The following FGF3 variants were observed in gnomAD, a reference collection of about 807,000 sequenced individuals.
The protein encoded by FGF3 is FGF-3.
In FGF3, 7 loss-of-function variants were observed where a neutral mutation model predicts 9.8. The ratio of observed to expected loss-of-function variants is 0.72; its 90% CI spans 0.41 to 1.35. The LOEUF is 1.35. Among genes scored for constraint, FGF3 ranks in the 40% most tolerant of loss-of-function variants. The pLI, the probability that FGF3 is intolerant of heterozygous loss-of-function variation, is 0.01. For missense variants in FGF3, 390 were observed against 345.6 expected, an observed-to-expected ratio of 1.13 and a Z score of -1.02; for synonymous variants, 173 against 157.2, an observed-to-expected ratio of 1.10 and a Z score of -0.75.
At chr11:69,816,451 C>T in intron 1 of FGF3, 28 bp from the exon 2 acceptor site, 3 of 1,578,114 alleles carry the variant, frequency 1.9e-6, no homozygotes, top group South Asian at 2.2e-5. Flanking sequence ...TGCCTCACTC[C>T]CGCCGCCCCC....
rs1042424001 is a variant in FGF3, at chr11:69,819,123, G to C, written c.-190C>G. The C allele has an allele frequency of 4.4e-5, 19 of 435,350 alleles. No homozygotes were observed. The South Asian group carries it at 8.5e-4, about 20-fold the overall frequency. 27.0% of individuals were successfully genotyped at this position (435,350 alleles called of 1,614,324 possible). ...GGCGAGAGAGAGAAAGAGAGGGAGAGTGGGAGAGGGAGAGGGAGAGAGGGA... is the reference window on the plus strand; with the variant it reads ...GGCGAGAGAGAGAAAGAGAGGGAGACTGGGAGAGGGAGAGGGAGAGAGGGA... On this transcript the variant is annotated 5_prime_UTR_variant, in exon 1 of 3. Coordinates refer to ENST00000334134, the MANE Select transcript of FGF3 (RefSeq NM_005247.4).
chr11:69,812,304 G>A (rs1856042271), intron 2 of FGF3, among the ~76,000 whole-genome samples: 4 of 152,074 alleles, frequency 2.6e-5, no homozygotes, highest in African/African-American at 7.2e-5. Flanking sequence ...ATCTGACCTC[G>A]CAGGACCTCA....
Position 69,816,333 on chromosome 11 carries a change from C to A in FGF3, c.311G>T (p.Arg104Leu), listed in dbSNP as rs150581924. The change falls in exon 2 of 3, where the codon CGA becomes CTA. Residue 104 changes from arginine (R) to leucine (L), a missense_variant. Coordinates refer to ENST00000334134, the MANE Select transcript of FGF3 (RefSeq NM_005247.4). Reference protein sequence around the residue: ...GRYLAMNKRGRLYASEHYSAE... With the variant: ...GRYLAMNKRGLLYASEHYSAE... ...GCCTGGACTCACCGAAGCATAGAGT[C>A]GTCCCCTCTTGTTCATGGCCAGGTA... 4 of 1,613,640 alleles carry A rather than the reference C, an allele frequency of 2.5e-6. No individual in the cohort carries two copies. In the African/African-American group the frequency reaches 4.0e-5, roughly 16 times the overall value.
chr11:69,816,690 C>T (rs944153576), intron 1 of FGF3, among the ~76,000 whole-genome samples: 3 of 152,242 alleles, frequency 2.0e-5, no homozygotes, highest in Non-Finnish European at 4.4e-5. Context: ...GCTGCCTGCA[C>T]CCTGGCTTTC....
chr11:69,813,564 A>G (rs967139725), intron 2 of FGF3, among the ~76,000 whole-genome samples: 1 of 144,488 alleles, frequency 6.9e-6, no homozygotes, highest in Non-Finnish European at 1.5e-5. Flanking sequence ...GGATGGATGG[A>G]TGGGTGGATG....
intron 1 of FGF3, among the ~76,000 whole-genome samples, chr11:69,818,360 C>A (rs1856175649): frequency 6.6e-6 from 1 of 152,198 alleles, no homozygotes; most frequent in African/African-American, 2.4e-5. Context: ...AGCCTGGAGC[C>A]CCGGGGTCGC....
chr11:69,810,268 T>G lies in FGF3; in HGVS notation c.*37A>C, dbSNP rs1454884061. 20 of 1,516,966 alleles carry G rather than the reference T, an allele frequency of 1.3e-5. No homozygotes were observed. The highest frequency in any genetic ancestry group is 2.1e-5 in the Admixed American group (1 of 47,610). The allele number at this position is 1,516,966 out of a possible 1,614,324, so 94.0% of individuals were successfully genotyped here. On this transcript the variant is annotated 3_prime_UTR_variant, in exon 3 of 3. Transcript: ENST00000334134. ...GAGTCAAGAGGCTGCCACGCCAAGA[T>G]GTCGCCAGGAGCTCTGGCGGTGGCC...
chr11:69,810,103 C>A lies in FGF3; in HGVS notation c.*202G>T. On this transcript the variant is annotated 3_prime_UTR_variant, in exon 3 of 3. Transcript: ENST00000334134. ...TTCCTGCCACACAGACCCACAAATG[C>A]CCTGCATTGCAGGCAGCCCCCTCCG... 1 of 554,588 alleles carries A rather than the reference C, an allele frequency of 1.8e-6. No individual in the cohort carries two copies. The highest frequency in any genetic ancestry group is 3.0e-5 in the East Asian group (1 of 33,426). The allele number at this position is 554,588 out of a possible 1,614,324, so 34.4% of individuals were successfully genotyped here.
chr11:69,813,227 G>A (rs1554980612), intron 2 of FGF3, among the ~76,000 whole-genome samples: 2 of 152,180 alleles, frequency 1.3e-5, no homozygotes, highest in African/African-American at 2.4e-5. Context: ...GCATTTTCTG[G>A]AGGAGGGCGT....
At chr11:69,811,009 A>G (rs1378790827) in intron 2 of FGF3, among the ~76,000 whole-genome samples, 7 of 152,246 alleles carry the variant, frequency 4.6e-5, no homozygotes, top group African/African-American at 1.7e-4. Context: ...GGGCGCTGAC[A>G]CAGCAAAGGG....
Position 69,819,313 on chromosome 11 carries a change from TC to T in FGF3, c.-381del, listed in dbSNP as rs1554981525. ...TGGGGAGCCCCGCGGGGCTCGGGGT[TC>T]GGGCCGGGCGCCGTCTGCATACACT... On this transcript the variant is annotated 5_prime_UTR_variant, in exon 1 of 3. It removes the in-frame stop codon of an upstream open reading frame in the 5' UTR. Transcript: ENST00000334134. Among the ~76,000 whole-genome samples, 1 of 150,118 alleles carries T rather than the reference TC, an allele frequency of 6.7e-6. No homozygotes were observed. Among genetic ancestry groups the T allele is most frequent in the Non-Finnish European group, 1.5e-5 (1 of 67,378 alleles).
Position 69,818,826 on chromosome 11 carries a change from G to C in FGF3, c.108C>G (p.Tyr36Ter). ...RRDAGGRGGV[Y>*]EHLGGAPRRR... ...GCCGGGGCGCCCCGCCAAGGTGCTC[G>C]TAGACGCCGCCACGGCCGCCCGCAT... The change falls in exon 1 of 3, where the codon TAC becomes TAG. Residue 36 changes from tyrosine to a stop codon, truncating the protein, a stop_gained. Transcript: ENST00000334134. LOFTEE classifies it high-confidence loss of function. 1 of 1,484,620 alleles carries C rather than the reference G, an allele frequency of 6.7e-7. No individual in the cohort carries two copies. Among genetic ancestry groups the C allele is most frequent in the Non-Finnish European group, 8.9e-7 (1 of 1,124,136 alleles). 92.0% of individuals were successfully genotyped at this position (1,484,620 alleles called of 1,614,324 possible). A position where few individuals can be genotyped will look rare whatever the true frequency, so the allele number is the denominator to read the frequency against.
intron 1 of FGF3, among the ~76,000 whole-genome samples, chr11:69,817,033 G>C (rs1554981172): frequency 6.6e-6 from 1 of 152,208 alleles, no homozygotes; most frequent in Non-Finnish European, 1.5e-5. Flanking sequence ...CAGGAAGCCA[G>C]TTTAGACCCT....
Position 69,818,983 on chromosome 11 carries a change from C to T in FGF3, c.-50G>A, listed in dbSNP as rs1554981481. The T allele has an allele frequency of 2.3e-6, 3 of 1,309,030 alleles. No individual in the cohort carries two copies. The highest frequency in any genetic ancestry group is 3.0e-6 in the Non-Finnish European group (3 of 988,202). The allele number at this position is 1,309,030 out of a possible 1,614,324, so 81.1% of individuals were successfully genotyped here. On this transcript the variant is annotated 5_prime_UTR_variant, in exon 1 of 3. Coordinates refer to ENST00000334134, the MANE Select transcript of FGF3 (RefSeq NM_005247.4). ...CGGCGGCGGCTGCAGGCGAGCGCGG[C>T]GCCCATGGAAGGGGCGGCAGCCGGA...
chr11:69,810,541 G>A lies in FGF3; in HGVS notation c.484C>T (p.Arg162Trp), dbSNP rs782403025. Residue 162 changes from arginine to tryptophan, a missense_variant, in exon 3 of 3, where the codon CGG becomes TGG. Transcript: ENST00000334134. ...CGGGTCTTGAAGCCCCTGCGGGGCC[G>A]GCCCTTGCCGTTCACAGACACGTAC... ...LWYVSVNGKG[R>W]PRRGFKTRRT... is the part of the protein sequence containing the mutation. The A allele has an allele frequency of 6.2e-7, 1 of 1,612,370 alleles. No individual in the cohort carries two copies. The highest frequency in any genetic ancestry group is 8.5e-7 in the Non-Finnish European group (1 of 1,179,616).
chr11:69,817,693 C>T (rs1856158786), intron 1 of FGF3: 4 of 152,356 alleles, frequency 2.6e-5, no homozygotes, highest in Admixed American at 2.6e-4. Context: ...CCGCCGCCGC[C>T]ACCTTCAAGC....
At chr11:69,813,031 G>A (rs574566124) in intron 2 of FGF3, among the ~76,000 whole-genome samples, 1 of 152,258 alleles carries the variant, frequency 6.6e-6, no homozygotes, top group South Asian at 2.1e-4. Context: ...GTTGGGACTC[G>A]CTGTGACAAC....
Position 69,818,979 on chromosome 11 carries a change from G to T in FGF3, c.-46C>A, listed in dbSNP as rs1554981477. 7.5e-7 allele frequency: 1 copy of T among 1,336,652 alleles called. No homozygotes were observed. The highest frequency in any genetic ancestry group is 9.9e-7 in the Non-Finnish European group (1 of 1,011,408). 82.8% of individuals were successfully genotyped at this position (1,336,652 alleles called of 1,614,324 possible). A position where few individuals can be genotyped will look rare whatever the true frequency, so the allele number is the denominator to read the frequency against. On this transcript the variant is annotated 5_prime_UTR_variant, in exon 1 of 3. Transcript: ENST00000334134. ...GCGGCGGCGGCGGCTGCAGGCGAGCGCGGCGCCCATGGAAGGGGCGGCAGC... is the reference window on the plus strand; with the variant it reads ...GCGGCGGCGGCGGCTGCAGGCGAGCTCGGCGCCCATGGAAGGGGCGGCAGC...
chr11:69,810,074 C>A lies in FGF3; in HGVS notation c.*231G>T. ...GGCTGGCACTCAGGCCCTTCCCTGC[C>A]GGCTTCCTGCCACACAGACCCACAA... is the stretch of plus-strand genomic sequence containing the variant. On this transcript the variant is annotated 3_prime_UTR_variant, in exon 3 of 3. Transcript: ENST00000334134. 2.0e-6 allele frequency: 1 copy of A among 493,484 alleles called. No individual in the cohort carries two copies. Among genetic ancestry groups the A allele is most frequent in the Non-Finnish European group, 3.5e-6 (1 of 281,812 alleles). The allele number at this position is 493,484 out of a possible 1,614,324, so 30.6% of individuals were successfully genotyped here. A position where few individuals can be genotyped will look rare whatever the true frequency, so the allele number is the denominator to read the frequency against.
Sources: gnomAD v4.1 joint callset for allele counts (sites outside exome capture counted in the v4.1 genomes callset) on GRCh38, gnomAD v4.1.1 for gene constraint, MANE v1.5 for transcripts, NCBI Gene and HGNC (gene_info 2026-07-23, HGNC 2026-07-21) for gene names.